The following AATF variants were observed in gnomAD, a reference collection of about 807,000 sequenced individuals.
The protein encoded by AATF is apoptosis antagonizing transcription factor.
In AATF, 48 loss-of-function variants were observed where a neutral mutation model predicts 63.7. That is an observed-to-expected ratio of 0.75 (90% CI 0.60 to 0.96). The LOEUF is 0.96. Among genes scored for constraint, AATF ranks in the 40% least tolerant of loss-of-function variants. The probability of loss-of-function intolerance (pLI) is 0.00; values close to 1 mark genes in which losing one functional copy is unlikely to be tolerated. For missense variants in AATF, 639 were observed against 685.7 expected, an observed-to-expected ratio of 0.93 and a Z score of 0.76; for synonymous variants, 258 against 247.7, an observed-to-expected ratio of 1.04 and a Z score of -0.39.
Position 36,990,772 on chromosome 17 carries a change from A to AGGAGATC in AATF, c.1315-1_1320dup, listed in dbSNP as rs1159791563. 1.3e-6 allele frequency: 2 copies of AGGAGATC among 1,583,236 alleles called. No individual in the cohort carries two copies. The highest frequency in any genetic ancestry group is 1.7e-6 in the Non-Finnish European group (2 of 1,165,452). ...CTCTTTTCTTACTCATTGTTAACAT[A>AGGAGATC]GGAGATCCTTCCTCAAGCCCCTGCT... On this transcript the variant is annotated splice_acceptor_variant, in intron 7 of 11. Coordinates refer to ENST00000619387, the MANE Select transcript of AATF (RefSeq NM_012138.4). LOFTEE classifies it high-confidence loss of function.
intron 4 of AATF, among the ~76,000 whole-genome samples, chr17:36,962,203 C>G (rs1458403990): frequency 1.3e-5 from 2 of 152,198 alleles, no homozygotes; most frequent in African/African-American, 4.8e-5. Flanking sequence ...ACTGAAATAA[C>G]ATATGCAGTG....
In AATF at chr17:36,968,233, ATTTTTTTC is replaced by A. The variant is rs1243269411; in HGVS notation, c.832+14333_832+14340del. Among the ~76,000 whole-genome samples, 45 of 39,112 alleles carry A rather than the reference ATTTTTTTC, an allele frequency of 1.2e-3. 1 individual carries two copies. The highest frequency in any genetic ancestry group is 6.3e-3 in the African/African-American group (40 of 6,394). The allele number at this position is 39,112 out of a possible 152,430, so 25.7% of individuals were successfully genotyped here. A position where few individuals can be genotyped will look rare whatever the true frequency, so the allele number is the denominator to read the frequency against. On this transcript the variant is annotated intron_variant, in intron 4 of 11. Transcript: ENST00000619387. Reference sequence around the variant, plus strand: ...TATTGAGTTTTTAAAATTTTCTTCTATTTTTTTCTTTTTTCTTTTTCTTTCTTTCCTTC... The same window carrying A: ...TATTGAGTTTTTAAAATTTTCTTCTATTTTTTCTTTTTCTTTCTTTCCTTC...
intron 4 of AATF, among the ~76,000 whole-genome samples, chr17:36,967,336 A>G (rs1008603930): frequency 9.9e-5 from 15 of 152,122 alleles, no homozygotes; most frequent in Admixed American, 7.2e-4. Flanking sequence ...CACTATGATT[A>G]TTTTCCTTTC....
At chr17:37,008,975 A>G (rs1173606879) in intron 8 of AATF, among the ~76,000 whole-genome samples, 1 of 152,252 alleles carries the variant, frequency 6.6e-6, no homozygotes, top group South Asian at 2.1e-4. Context: ...TGGGGAGTAT[A>G]GAGGAAGCAC....
rs111984960 is a variant in AATF, at chr17:36,953,915, T to G, written c.832+8T>G. ...CCAGTGCCCTGAAAAATAGTAAGAA[T>G]ACTTATGTCCTGTTGGAATACTTAG... On this transcript the variant is annotated splice_region_variant and intron_variant, in intron 4 of 11. Coordinates refer to ENST00000619387, the MANE Select transcript of AATF (RefSeq NM_012138.4). The G allele has an allele frequency of 6.2e-7, 1 of 1,613,242 alleles. No individual in the cohort carries two copies. The highest frequency in any genetic ancestry group is 1.3e-5 in the African/African-American group (1 of 74,940).
intron 9 of AATF, among the ~76,000 whole-genome samples, chr17:37,019,640 T>C (rs1597728127): frequency 6.6e-6 from 1 of 152,192 alleles, no homozygotes; most frequent in African/African-American, 2.4e-5. Flanking sequence ...TTTAGAATGC[T>C]ACCTAATGAA....
At chr17:37,004,712 AGGAGGATAT>A (rs1475896048) in intron 8 of AATF, among the ~76,000 whole-genome samples, 1 of 152,140 alleles carries the variant, frequency 6.6e-6, no homozygotes, top group African/African-American at 2.4e-5. Context: ...GATAAGATGT[AGGAGGATAT>A]GGAGGTTTGA....
intron 10 of AATF, among the ~76,000 whole-genome samples, chr17:37,028,500 A>C (rs527538140): frequency 6.6e-6 from 1 of 152,190 alleles, no homozygotes; most frequent in Non-Finnish European, 1.5e-5. Flanking sequence ...AAAGTGAAGA[A>C]TTAGACTGGG....
At chr17:36,979,879 T>C (rs2071107892) in intron 4 of AATF, among the ~76,000 whole-genome samples, 1 of 152,124 alleles carries the variant, frequency 6.6e-6, no homozygotes, top group South Asian at 2.1e-4. Flanking sequence ...GTGAAAATGG[T>C]TTTTAGATTG....
chr17:37,021,231 G>A, intron 10 of AATF: 17 of 427,976 alleles, frequency 4.0e-5, no homozygotes, highest in South Asian at 2.4e-4. Flanking sequence ...GTAATAGATG[G>A]GTGAAATAAT....
intron 10 of AATF, among the ~76,000 whole-genome samples, chr17:37,030,997 C>T (rs1291869181): frequency 6.6e-6 from 1 of 152,130 alleles, no homozygotes; most frequent in Non-Finnish European, 1.5e-5. Flanking sequence ...TGTACCTGTT[C>T]TTTTTTGGGG....
rs1441424791 is a variant in AATF at position 37,001,405 on chromosome 17, G to GAGGGAGGAAGGAAGGAAGGA, written c.1398+10551_1398+10552insGAGGAAGGAAGGAAGGAAGG. Among the ~76,000 whole-genome samples the GAGGGAGGAAGGAAGGAAGGA allele has an allele frequency of 3.7e-3, 234 of 63,820 alleles. 1 individual carries two copies. Among genetic ancestry groups the GAGGGAGGAAGGAAGGAAGGA allele is most frequent in the South Asian group, 6.1e-3 (8 of 1,316 alleles). The allele number at this position is 63,820 out of a possible 152,430, so 41.9% of individuals were successfully genotyped here. On this transcript the variant is annotated intron_variant, in intron 8 of 11. Coordinates refer to ENST00000619387, the MANE Select transcript of AATF (RefSeq NM_012138.4). ...AGAAAAAGGTATGGGAGGAGGGAGGGAGGAAGGAAGGAAGGAAGGAAGGAA... is the reference window on the plus strand; with the variant it reads ...AGAAAAAGGTATGGGAGGAGGGAGGGAGGGAGGAAGGAAGGAAGGAAGGAAGGAAGGAAGGAAGGAAGGAA...
At chr17:36,953,698 T>TC (rs1402642949) in intron 3 of AATF, 72 bp from the exon 4 acceptor site, 95 of 1,484,104 alleles carry the variant, frequency 6.4e-5, no homozygotes, top group Non-Finnish European at 8.5e-5. Flanking sequence ...TTCCTGTTCT[T>TC]CCCCACCCCT....
chr17:36,950,467 C>A, intron 2 of AATF, 62 bp downstream of exon 2: 1 of 1,479,452 alleles, frequency 6.8e-7, no homozygotes. Context: ...TTAAAATCCT[C>A]CGGTCATCCC....
chr17:36,972,166 C>T (rs2071044539), intron 4 of AATF, among the ~76,000 whole-genome samples: 1 of 152,068 alleles, frequency 6.6e-6, no homozygotes, highest in Non-Finnish European at 1.5e-5. Context: ...GAGGAATGGG[C>T]CACATCAACC....
intron 4 of AATF, among the ~76,000 whole-genome samples, chr17:36,968,700 C>A (rs561485056): frequency 6.6e-6 from 1 of 152,182 alleles, no homozygotes; most frequent in Admixed American, 6.5e-5. Context: ...TAGCTCACTG[C>A]AGCCTCAGAC....
intron 4 of AATF, among the ~76,000 whole-genome samples, chr17:36,969,287 G>A (rs186708042): frequency 1.7e-4 from 26 of 152,286 alleles, no homozygotes; most frequent in Middle Eastern, 3.4e-3. Context: ...AGGTGGGTAG[G>A]CTTGGGGATC....
At position 36,996,263 on chromosome 17, in the gene AATF, C is replaced by T. The variant is rs183753162; in HGVS notation, c.1398+5406C>T. 2.0e-5 allele frequency among the ~76,000 whole-genome samples: 3 copies of T among 152,016 alleles called. No individual in the cohort carries two copies. The East Asian group carries it at 5.8e-4, about 30-fold the overall frequency. On this transcript the variant is annotated intron_variant, in intron 8 of 11. Transcript: ENST00000619387. ...CCTGGGCAACATGGCGAAACTCCGTCTCTACAAAAAATGCAAAAAAAATGA... is the reference window on the plus strand; with the variant it reads ...CCTGGGCAACATGGCGAAACTCCGTTTCTACAAAAAATGCAAAAAAAATGA...
intron 4 of AATF, among the ~76,000 whole-genome samples, chr17:36,957,605 A>G (rs1026954726): frequency 6.6e-6 from 1 of 152,084 alleles, no homozygotes; most frequent in African/African-American, 2.4e-5. Context: ...CCCAGCTACT[A>G]CCTCCTTGAA....
Sources: allele counts gnomAD v4.1 joint callset (sites outside exome capture counted in the v4.1 genomes callset), GRCh38; gene constraint gnomAD v4.1.1; transcripts MANE v1.5; gene names NCBI Gene and HGNC (gene_info 2026-07-23, HGNC 2026-07-21).